The following MCTP2 variants were observed in gnomAD, a reference collection of about 807,000 sequenced individuals.
MCTP2 encodes multiple C2 and transmembrane domain-containing protein 2.
MCTP2 carries 132 observed loss-of-function variants against 111.6 expected under a neutral mutation model. The observed-to-expected ratio is 1.18, with a 90% CI of 1.03 to 1.37. The LOEUF (loss-of-function observed/expected upper bound fraction) is 1.37, where lower values mean the gene tolerates loss of function less well. MCTP2 is among the 40% of genes most tolerant of loss of function. MCTP2 has a pLI of 0.00. For missense variants in MCTP2, 1,183 were observed against 1,067.9 expected, an observed-to-expected ratio of 1.11 and a Z score of -1.50; for synonymous variants, 395 against 387.7, an observed-to-expected ratio of 1.02 and a Z score of -0.22.
chr15:94,415,388 G>A lies in MCTP2; in HGVS notation c.2085+13369G>A, dbSNP rs192715360. 6.6e-5 allele frequency among the ~76,000 whole-genome samples: 10 copies of A among 152,172 alleles called. No individual in the cohort carries two copies. In the East Asian group the frequency reaches 9.7e-4, roughly 15 times the overall value. On this transcript the variant is annotated intron_variant, in intron 17 of 22. Coordinates refer to ENST00000357742, the MANE Select transcript of MCTP2 (RefSeq NM_001385001.1). Reference sequence around the variant, plus strand: ...AATAAGAGATGTTATTTACCGTACCGTTGTTACTTGCTCTTTAAATGCTCT... The same window carrying A: ...AATAAGAGATGTTATTTACCGTACCATTGTTACTTGCTCTTTAAATGCTCT...
intron 1 of MCTP2, among the ~76,000 whole-genome samples, chr15:94,255,975 C>G: frequency 6.6e-6 from 1 of 152,248 alleles, no homozygotes; most frequent in East Asian, 1.9e-4. Context: ...ACTCAGATGT[C>G]GCATAAAAAC....
intron 1 of MCTP2, among the ~76,000 whole-genome samples, chr15:94,297,255 C>T (rs2075316730): frequency 6.6e-6 from 1 of 152,154 alleles, no homozygotes; most frequent in Non-Finnish European, 1.5e-5. Context: ...TGTTATATCC[C>T]AAATCACCAC....
At chr15:94,260,222 T>A (rs1304204311) in intron 1 of MCTP2, among the ~76,000 whole-genome samples, 1 of 152,054 alleles carries the variant, frequency 6.6e-6, no homozygotes, top group Non-Finnish European at 1.5e-5. Flanking sequence ...ATGCGAAAAT[T>A]CCTCCCCGAC....
chr15:94,245,384 G>A (rs111208069), intron 1 of MCTP2, among the ~76,000 whole-genome samples: 2,106 of 130,028 alleles, frequency 0.016, 117 homozygotes, highest in African/African-American at 0.057. Flanking sequence ...ATATGTATAT[G>A]TATTTATATA....
intron 21 of MCTP2, among the ~76,000 whole-genome samples, chr15:94,470,911 G>A (rs1186336035): frequency 2.6e-5 from 4 of 152,284 alleles, no homozygotes; most frequent in Non-Finnish European, 1.5e-5. Flanking sequence ...CAGAAGCAGG[G>A]AGAGGGAGGG....
intron 1 of MCTP2, among the ~76,000 whole-genome samples, chr15:94,244,713 C>A (rs1026653669): frequency 1.4e-5 from 2 of 147,820 alleles, no homozygotes; most frequent in South Asian, 2.1e-4. Flanking sequence ...TACATATGCA[C>A]CTATGTTTAT....
At chr15:94,236,833 T>C (rs552896272) in intron 1 of MCTP2, among the ~76,000 whole-genome samples, 4 of 152,170 alleles carry the variant, frequency 2.6e-5, no homozygotes, top group African/African-American at 9.6e-5. Context: ...TCATAAGTTA[T>C]TGTAGATCAG....
intron 8 of MCTP2, among the ~76,000 whole-genome samples, chr15:94,349,780 A>G (rs908690312): frequency 1.9e-4 from 28 of 148,438 alleles, no homozygotes; most frequent in African/African-American, 6.8e-4. Flanking sequence ...AGATCGCAGC[A>G]CTGCACTCCA....
At chr15:94,337,432 G>T (rs548706120) in intron 4 of MCTP2, among the ~76,000 whole-genome samples, 5 of 152,026 alleles carry the variant, frequency 3.3e-5, no homozygotes, top group Non-Finnish European at 7.4e-5. Context: ...AAGCATGAAG[G>T]CCTGATCCCA....
chr15:94,244,304 T>TTA (rs1200804866), intron 1 of MCTP2, among the ~76,000 whole-genome samples: 2 of 147,996 alleles, frequency 1.4e-5, no homozygotes, highest in African/African-American at 5.0e-5. Flanking sequence ...GTGTATATAT[T>TTA]TATATACACA....
At chr15:94,231,978 C>G (rs533979499) in intron 1 of MCTP2, 1 of 152,296 alleles carries the variant, frequency 6.6e-6, no homozygotes, top group Non-Finnish European at 1.5e-5. Flanking sequence ...AGGTAGTCAC[C>G]GCCACATCCA....
chr15:94,390,083 T>C (rs1285226932), intron 14 of MCTP2, among the ~76,000 whole-genome samples: 1 of 7,716 alleles, frequency 1.3e-4, no homozygotes, highest in African/African-American at 2.7e-4. Flanking sequence ...TATATATATA[T>C]ATATATGTAT....
rs2083704053 is a variant in MCTP2, at chr15:94,440,259, A to G, written c.2169A>G (p.Arg723=). The change falls in exon 18 of 23, where the codon AGA becomes AGG. Residue 723 remains arginine (R), a synonymous_variant. Transcript: ENST00000357742. ...TGATCTTTGTCTACAATTTCATCAG[A>G]CCTGTGAAAGGCAAGGTCAGCAGCA... ...LLLIFVYNFI[R]PVKGKVSSIQ... is the part of the protein sequence containing the mutation. 6.2e-7 allele frequency: 1 copy of G among 1,614,106 alleles called. No individual in the cohort carries two copies. Among genetic ancestry groups the G allele is most frequent in the African/African-American group, 1.3e-5 (1 of 75,026 alleles).
chr15:94,368,772 T>A (rs2079331856), intron 11 of MCTP2, among the ~76,000 whole-genome samples: 2 of 152,244 alleles, frequency 1.3e-5, no homozygotes, highest in South Asian at 4.1e-4. Context: ...TTCCCCAAGC[T>A]TTCCAATGGA....
At chr15:94,454,724 T>TA (rs2084695510) in intron 19 of MCTP2, among the ~76,000 whole-genome samples, 2 of 152,178 alleles carry the variant, frequency 1.3e-5, no homozygotes, top group Admixed American at 1.3e-4. Flanking sequence ...ATTTTTTTTT[T>TA]AATGGCCAAA....
chr15:94,270,729 C>T (rs1322899780), intron 1 of MCTP2, among the ~76,000 whole-genome samples: 1 of 152,218 alleles, frequency 6.6e-6, no homozygotes, highest in Admixed American at 6.5e-5. Flanking sequence ...CTTTCTTCCA[C>T]ATTCTGCTTA....
chr15:94,436,431 A>G (rs1228591950), intron 17 of MCTP2, among the ~76,000 whole-genome samples: 4 of 152,238 alleles, frequency 2.6e-5, no homozygotes, highest in Non-Finnish European at 5.9e-5. Context: ...TTAGGAAATC[A>G]GTTCTTTACT....
intron 4 of MCTP2, among the ~76,000 whole-genome samples, chr15:94,325,634 G>T (rs2076827851): frequency 2.0e-5 from 3 of 151,282 alleles, no homozygotes; most frequent in Non-Finnish European, 4.4e-5. Flanking sequence ...CAGGAGAAAT[G>T]AGAGACTCTT....
chr15:94,344,472 G>T (rs1292092574), intron 7 of MCTP2, among the ~76,000 whole-genome samples: 1 of 152,218 alleles, frequency 6.6e-6, no homozygotes, highest in Non-Finnish European at 1.5e-5. Flanking sequence ...GGTGACAGGA[G>T]TGATGAGAGG....
Sources: allele counts gnomAD v4.1 joint callset (sites outside exome capture counted in the v4.1 genomes callset), GRCh38; gene constraint gnomAD v4.1.1; transcripts MANE v1.5; gene names NCBI Gene and HGNC (gene_info 2026-07-23, HGNC 2026-07-21).